The following GP9 variants were observed in gnomAD, a reference collection of about 807,000 sequenced individuals.
The protein encoded by GP9 is glycoprotein IX platelet.
For missense variants in GP9, 228 were observed against 241.8 expected (o/e 0.94, Z 0.38); for synonymous variants, 116 against 116.7 (o/e 0.99, Z 0.04).
At position 129,062,168 on chromosome 3, in the gene GP9, G is replaced by T; in HGVS notation, c.429G>T (p.Trp143Cys). The T allele has an allele frequency of 1.3e-6, 2 of 1,577,864 alleles. No individual in the cohort carries two copies. Among genetic ancestry groups the T allele is most frequent in the Non-Finnish European group, 1.7e-6 (2 of 1,166,210 alleles). The change falls in exon 3 of 3, where the codon TGG (tryptophan) becomes TGT (cysteine). Residue 143 changes from tryptophan (W) to cysteine (C), a missense_variant. Trp to Cys is a radical substitution (Grantham distance 215). Transcript: ENST00000307395. The part of the protein sequence containing the change: ...GSCGWQLQAS[W>C]VRPGVLWDVA... The stretch of plus-strand genomic sequence containing the variant: ...GTGGCTGGCAGCTGCAGGCGTCCTG[G>T]GTGCGCCCGGGGGTCTTGTGGGACG...
At chr3:129,056,202 C>T (rs1946520659), upstream of GP9, among the ~76,000 whole-genome samples, 1 of 152,208 alleles carries the variant, frequency 6.6e-6, no homozygotes, top group South Asian at 2.1e-4. Flanking sequence ...GCAAGGCAGG[C>T]TGCTCCACAG....
chr3:129,062,037 C>G lies in GP9; in HGVS notation c.298C>G (p.Leu100Val). 1 of 1,613,352 alleles carries G rather than the reference C, an allele frequency of 6.2e-7. No homozygotes were observed. The highest frequency in any genetic ancestry group is 8.5e-7 in the Non-Finnish European group (1 of 1,179,810). ...DCSLTYLRLW[L>V]EDRTPEALLQ... is the part of the protein sequence containing the mutation. ...CAGCCTCACCTATCTGCGCCTCTGG[C>G]TGGAGGACCGCACGCCCGAGGCCCT... Residue 100 changes from leucine (L) to valine (V), a missense_variant, in exon 3 of 3, where the codon CTG becomes GTG. Coordinates refer to ENST00000307395, the MANE Select transcript of GP9 (RefSeq NM_000174.5).
chr3:129,062,178 G>A lies in GP9; in HGVS notation c.439G>A (p.Gly147Arg). 6.3e-7 allele frequency: 1 copy of A among 1,575,044 alleles called. No homozygotes were observed. Among genetic ancestry groups the A allele is most frequent in the East Asian group, 2.3e-5 (1 of 43,016 alleles). The change falls in exon 3 of 3, where the codon GGG becomes AGG. Residue 147 changes from glycine to arginine, a missense_variant. Physicochemically the swap from Gly to Arg is moderately radical, Grantham distance 125. Transcript: ENST00000307395. ...GCTGCAGGCGTCCTGGGTGCGCCCG[G>A]GGGTCTTGTGGGACGTGGCGCTGGT... ...WQLQASWVRP[G>R]VLWDVALVAV...
In GP9 at chr3:129,061,629, C is replaced by T; in HGVS notation, c.-13+10C>T. On this transcript the variant is annotated intron_variant, in intron 2 of 2. Transcript: ENST00000307395. ...AGACCCGAGAAGGGAGGTGAGTGCA[C>T]CCCGTCCCATGTCAGGCTCCGCTAC... 2 of 907,098 alleles carry T rather than the reference C, an allele frequency of 2.2e-6. No individual in the cohort carries two copies. Among genetic ancestry groups the T allele is most frequent in the Non-Finnish European group, 3.5e-6 (2 of 574,386 alleles). The allele number at this position is 907,098 out of a possible 1,614,324, so 56.2% of individuals were successfully genotyped here.
At chr3:129,056,535 A>G (rs1209675152), upstream of GP9, among the ~76,000 whole-genome samples, 3 of 152,166 alleles carry the variant, frequency 2.0e-5, no homozygotes, top group African/African-American at 7.2e-5. Flanking sequence ...TGTCTCCCTC[A>G]TGTTTCTCGT....
chr3:129,056,597 A>G (rs1164971923), upstream of GP9, among the ~76,000 whole-genome samples: 1 of 152,148 alleles, frequency 6.6e-6, no homozygotes, highest in Non-Finnish European at 1.5e-5. Flanking sequence ...GGCTCAACCA[A>G]CTTTTAGTCA....
chr3:129,061,641 T>C (rs1340270552), intron 2 of GP9, 22 bp downstream of exon 2: 1 of 1,025,594 alleles, frequency 9.8e-7, no homozygotes, highest in South Asian at 1.4e-5. Flanking sequence ...CCGTCCCATG[T>C]CAGGCTCCGC....
At position 129,061,775 on chromosome 3, in the gene GP9, C is replaced by T; in HGVS notation, c.36C>T (p.Ala12=). ...PAWGALFLLW[A]TAEATKDCPS... is the part of the protein sequence containing the mutation. Reference sequence around the variant, plus strand: ...GGGGAGCCCTGTTCCTGCTCTGGGCCACAGCAGAGGCCACCAAGGACTGCC... The same window carrying T: ...GGGGAGCCCTGTTCCTGCTCTGGGCTACAGCAGAGGCCACCAAGGACTGCC... Residue 12 remains alanine (A), a synonymous_variant, in exon 3 of 3, where the codon GCC becomes GCT. Coordinates refer to ENST00000307395, the MANE Select transcript of GP9 (RefSeq NM_000174.5). 6.2e-7 allele frequency: 1 copy of T among 1,613,154 alleles called. No individual in the cohort carries two copies. The highest frequency in any genetic ancestry group is 8.5e-7 in the Non-Finnish European group (1 of 1,179,780).
chr3:129,061,743 C>A lies in GP9; in HGVS notation c.4C>A (p.Pro2Thr). 1.9e-6 allele frequency: 3 copies of A among 1,611,874 alleles called. No homozygotes were observed. Among genetic ancestry groups the A allele is most frequent in the Non-Finnish European group, 2.5e-6 (3 of 1,179,232 alleles). M[P>T]AWGALFLLWA... ...CTCTCTGCAGCCAGCCTGTCCCATGCCTGCCTGGGGAGCCCTGTTCCTGCT... is the reference window on the plus strand; with the variant it reads ...CTCTCTGCAGCCAGCCTGTCCCATGACTGCCTGGGGAGCCCTGTTCCTGCT... Residue 2 changes from proline to threonine, a missense_variant, in exon 3 of 3, where the codon CCT becomes ACT. Transcript: ENST00000307395.
rs1946581282 is a variant in GP9 at position 129,061,936 on chromosome 3, T to G, written c.197T>G (p.Val66Gly). Residue 66 changes from valine (V) to glycine (G), a missense_variant, in exon 3 of 3, where the codon GTG becomes GGG. Val to Gly is a moderately radical substitution (Grantham distance 109). Coordinates refer to ENST00000307395, the MANE Select transcript of GP9 (RefSeq NM_000174.5). ...CTGGCCAACAACAGCCTTCAGTCCG[T>G]GCCCCCGGGAGCCTTTGACCACCTG... ...LLLANNSLQSVPPGAFDHLPQ... is the reference protein window; with the variant it reads ...LLLANNSLQSGPPGAFDHLPQ... The G allele has an allele frequency of 6.2e-7, 1 of 1,613,766 alleles. No individual in the cohort carries two copies. The highest frequency in any genetic ancestry group is 1.7e-5 in the Admixed American group (1 of 60,010).
upstream of GP9, among the ~76,000 whole-genome samples, chr3:129,057,267 T>G (rs963143659): frequency 1.4e-4 from 22 of 152,140 alleles, no homozygotes; most frequent in African/African-American, 5.3e-4. Context: ...AAATGGAATA[T>G]TATGGTACAG....
Position 129,061,915 on chromosome 3 carries a change from C to T in GP9, c.176C>T (p.Ala59Val), listed in dbSNP as rs750557788. The change falls in exon 3 of 3, where the codon GCC (alanine) becomes GTC (valine). Residue 59 changes from alanine (A) to valine (V), a missense_variant. Physicochemically the swap from Ala to Val is moderately conservative, Grantham distance 64. Transcript: ENST00000307395. The part of the protein sequence containing the change: ...LPARTRHLLL[A>V]NNSLQSVPPG... ...GCCCGCACCCGCCACCTTCTGCTGG[C>T]CAACAACAGCCTTCAGTCCGTGCCC... The T allele has an allele frequency of 4.3e-6, 7 of 1,613,814 alleles. No individual in the cohort carries two copies. In the Admixed American group the frequency reaches 5.0e-5, roughly 12 times the overall value.
chr3:129,060,193 A>G (rs2107954972), upstream of GP9, among the ~76,000 whole-genome samples: 1 of 152,342 alleles, frequency 6.6e-6, no homozygotes, highest in East Asian at 1.9e-4. Flanking sequence ...CATAGGCCAA[A>G]ATTCTAGCTA....
chr3:129,058,705 G>A (rs757355370), upstream of GP9, among the ~76,000 whole-genome samples: 1 of 152,284 alleles, frequency 6.6e-6, no homozygotes, highest in Non-Finnish European at 1.5e-5. Context: ...GTAATGAATA[G>A]TGGCTGTAAG....
In GP9 at chr3:129,061,967, G is replaced by A; in HGVS notation, c.228G>A (p.Gln76=). The part of the protein sequence containing the change: ...VPPGAFDHLP[Q]LQTLDVTQNP... ...CGGGAGCCTTTGACCACCTGCCCCA[G>A]CTGCAGACCCTCGATGTGACGCAGA... The change falls in exon 3 of 3, where the codon CAG becomes CAA. Residue 76 remains glutamine (Q), a synonymous_variant. Transcript: ENST00000307395. The A allele has an allele frequency of 6.2e-7, 1 of 1,613,866 alleles. No individual in the cohort carries two copies. The highest frequency in any genetic ancestry group is 8.5e-7 in the Non-Finnish European group (1 of 1,179,882).
rs1382001904 is a variant in GP9, at chr3:129,061,824, CTGGAAACCA to C, written c.89_97del (p.Glu30_Met32del). Reference sequence around the variant, plus strand: ...CCCCAGCCCATGTACCTGCCGCGCCCTGGAAACCATGGGGCTGTGGGTGGACTGCAGGGG... The same window carrying C: ...CCCCAGCCCATGTACCTGCCGCGCCCTGGGGCTGTGGGTGGACTGCAGGGG... On this transcript the variant is annotated inframe_deletion, in exon 3 of 3. Coordinates refer to ENST00000307395, the MANE Select transcript of GP9 (RefSeq NM_000174.5). 4 of 1,612,812 alleles carry C rather than the reference CTGGAAACCA, an allele frequency of 2.5e-6. No homozygotes were observed. The Admixed American group carries it at 6.7e-5, about 27-fold the overall frequency.
upstream of GP9, among the ~76,000 whole-genome samples, chr3:129,059,287 C>G (rs1054877768): frequency 2.0e-5 from 3 of 152,208 alleles, no homozygotes; most frequent in African/African-American, 7.2e-5. Context: ...CTCAGAGGCT[C>G]AAGAGGAAGG....
upstream of GP9, among the ~76,000 whole-genome samples, chr3:129,057,612 C>G (rs536885348): frequency 6.6e-6 from 1 of 152,106 alleles, no homozygotes; most frequent in South Asian, 2.1e-4. Flanking sequence ...AGAAGGCGAA[C>G]GAAGACCAGA....
At chr3:129,055,288 G>A in the GP9 span, among the ~76,000 whole-genome samples, 2 of 152,136 alleles carry the variant, frequency 1.3e-5, no homozygotes, top group African/African-American at 2.4e-5. Context: ...ATTTTTCTTA[G>A]AATCAGTTCT....
Sources: gnomAD v4.1 joint callset for allele counts (sites outside exome capture counted in the v4.1 genomes callset) on GRCh38, gnomAD v4.1.1 for gene constraint, MANE v1.5 for transcripts, NCBI Gene and HGNC (gene_info 2026-07-23, HGNC 2026-07-21) for gene names.